Variants in ZFR observed in about 807,000 individuals in gnomAD.
The protein encoded by ZFR is zinc finger RNA binding protein.
In ZFR, 19 loss-of-function variants were observed where a neutral mutation model predicts 130.7. That is an observed-to-expected ratio of 0.15 (90% CI 0.10 to 0.21). ZFR has a LOEUF of 0.21. Among genes scored for constraint, ZFR ranks in the 10% least tolerant of loss-of-function variants. The pLI is 1.00. For missense variants in ZFR, 872 were observed against 1,321.5 expected (o/e 0.66, Z 5.27); for synonymous variants, 466 against 456.9 (o/e 1.02, Z -0.25).
chr5:32,391,811 G>A (rs1561883880), intron 11 of ZFR, among the ~76,000 whole-genome samples: 1 of 151,758 alleles, frequency 6.6e-6, no homozygotes, highest in Non-Finnish European at 1.5e-5. Flanking sequence ...ACCCATTGCA[G>A]TGGCCTTGAC....
chr5:32,370,310 G>GGAGAGA (rs769362722), intron 17 of ZFR, among the ~76,000 whole-genome samples: 997 of 69,598 alleles, frequency 0.014, 8 homozygotes, highest in Non-Finnish European at 0.02. Flanking sequence ...TGTTGTGGGG[G>GGAGAGA]GAGAGAGAGA....
intron 2 of ZFR, among the ~76,000 whole-genome samples, chr5:32,437,904 C>A (rs1246114051): frequency 6.6e-6 from 1 of 152,082 alleles, no homozygotes; most frequent in African/African-American, 2.4e-5. Context: ...TTCTGCAAGA[C>A]TTTCATGATA....
intron 19 of ZFR, among the ~76,000 whole-genome samples, chr5:32,359,203 A>C (rs1160746791): frequency 6.6e-6 from 1 of 152,092 alleles, no homozygotes; most frequent in Non-Finnish European, 1.5e-5. Context: ...AATAAAACCA[A>C]AAAACCCCTA....
intron 6 of ZFR, among the ~76,000 whole-genome samples, chr5:32,405,551 G>A (rs941943288): frequency 5.3e-5 from 8 of 152,110 alleles, no homozygotes; most frequent in Non-Finnish European, 1.0e-4. Flanking sequence ...CAAGCGTCAC[G>A]CTGTATACTT....
chr5:32,402,269 T>G (rs763078189), intron 8 of ZFR, among the ~76,000 whole-genome samples: 24 of 152,066 alleles, frequency 1.6e-4, no homozygotes, highest in Non-Finnish European at 2.9e-4. Context: ...GATGGACACA[T>G]AATTGAGAGA....
rs543375677 is a variant in ZFR, at chr5:32,407,048, T to C, written c.785-27A>G. 48 of 1,440,346 alleles carry C rather than the reference T, an allele frequency of 3.3e-5. 2 individuals are homozygous for C. The South Asian group carries it at 7.0e-4, about 21-fold the overall frequency. 89.2% of individuals were successfully genotyped at this position (1,440,346 alleles called of 1,614,324 possible). On this transcript the variant is annotated intron_variant, in intron 5 of 19. Transcript: ENST00000265069. ...TTACAAATAAAAATCAAACAAAAATTATGTTACATACTTATAGAAGGACAA... is the reference window on the plus strand; with the variant it reads ...TTACAAATAAAAATCAAACAAAAATCATGTTACATACTTATAGAAGGACAA...
chr5:32,411,714 G>GGGTGC (rs138920140), intron 5 of ZFR, among the ~76,000 whole-genome samples: 1 of 54,612 alleles, frequency 1.8e-5, no homozygotes, highest in Non-Finnish European at 3.3e-5. Context: ...AATTGAGGGG[G>GGGTGC]GGCGGGGAAT....
chr5:32,409,015 G>C (rs141623448), intron 5 of ZFR, among the ~76,000 whole-genome samples: 1 of 152,168 alleles, frequency 6.6e-6, no homozygotes, highest in African/African-American at 2.4e-5. Flanking sequence ...ACATATTGGA[G>C]TTAGGGGGTC....
chr5:32,390,937 A>G (rs571488399), intron 11 of ZFR, among the ~76,000 whole-genome samples: 3 of 152,332 alleles, frequency 2.0e-5, no homozygotes, highest in African/African-American at 7.2e-5. Context: ...ATGGTAAAGA[A>G]CTTGTCCTGG....
intron 17 of ZFR, among the ~76,000 whole-genome samples, chr5:32,369,612 G>A (rs1272112922): frequency 6.6e-6 from 1 of 151,934 alleles, no homozygotes; most frequent in Non-Finnish European, 1.5e-5. Flanking sequence ...TTCAGACCAG[G>A]CTGGGCAAGA....
intron 8 of ZFR, among the ~76,000 whole-genome samples, chr5:32,402,765 G>A (rs989496295): frequency 2.8e-5 from 4 of 143,772 alleles, no homozygotes; most frequent in African/African-American, 1.0e-4. Context: ...GTGACAGAGT[G>A]GGGCTCTGTC....
chr5:32,378,669 T>C (rs984980261), intron 17 of ZFR, among the ~76,000 whole-genome samples: 13 of 152,152 alleles, frequency 8.5e-5, no homozygotes, highest in Non-Finnish European at 1.5e-4. Context: ...GGTTATTTTG[T>C]AGCTTTCTGC....
intron 2 of ZFR, among the ~76,000 whole-genome samples, chr5:32,439,595 G>A (rs191553113): frequency 6.6e-6 from 1 of 151,900 alleles, no homozygotes; most frequent in Non-Finnish European, 1.5e-5. Context: ...TCCACTTACT[G>A]CTATGTCCAA....
At chr5:32,402,989 GT>G (rs1753494465) in intron 8 of ZFR, 116 bp downstream of exon 8, 1 of 978,646 alleles carries the variant, frequency 1.0e-6, no homozygotes, top group Non-Finnish European at 1.5e-6. Flanking sequence ...AAGAAACAAG[GT>G]CCCAGAGAGA....
chr5:32,415,349 A>G (rs936683330), intron 4 of ZFR, among the ~76,000 whole-genome samples, 162 bp from the exon 5 acceptor site: 1 of 152,194 alleles, frequency 6.6e-6, no homozygotes, highest in African/African-American at 2.4e-5. Flanking sequence ...CTTATTACCA[A>G]TATGAATAGA....
rs539369880 is a variant in ZFR, at chr5:32,396,402, A to C, written c.1833+817T>G. Among the ~76,000 whole-genome samples, 10 of 152,132 alleles carry C rather than the reference A, an allele frequency of 6.6e-5. No homozygotes were observed. In the Middle Eastern group the frequency reaches 0.01, roughly 155 times the overall value. ...TTAATTTTCACCTCCTCCGTGTTTA[A>C]AACAGAAAACATGGATCTAGTACAT... On this transcript the variant is annotated intron_variant, in intron 10 of 19. Coordinates refer to ENST00000265069, the MANE Select transcript of ZFR (RefSeq NM_016107.5).
At chr5:32,403,446 GAA>G (rs760154449) in intron 7 of ZFR, 49 bp from the exon 8 acceptor site, 2 of 1,573,214 alleles carry the variant, frequency 1.3e-6, no homozygotes, top group East Asian at 2.2e-5. Context: ...AATAGATTTT[GAA>G]AAGTCTGCCT....
chr5:32,419,879 G>A lies in ZFR; in HGVS notation c.362C>T (p.Thr121Ile). ...TGGTGGTGCTTCTTGTTGCCTCTGA[G>A]TATAACCATAGTCAGTTGCTGTGTG... is the stretch of plus-strand genomic sequence containing the variant. Reference protein sequence around the residue: ...TAHTATDYGYTQRQQEAPPPP... With the variant: ...TAHTATDYGYIQRQQEAPPPP... The change falls in exon 3 of 20, where the codon ACT (threonine) becomes ATT (isoleucine). Residue 121 changes from threonine to isoleucine, a missense_variant. Around this residue, in one of 7 missense-constraint regions of ZFR, gnomAD observed 240 missense variants for 441.2 expected, o/e 0.54. Coordinates refer to ENST00000265069, the MANE Select transcript of ZFR (RefSeq NM_016107.5). 6.2e-7 allele frequency: 1 copy of A among 1,613,652 alleles called. No individual in the cohort carries two copies. Among genetic ancestry groups the A allele is most frequent in the Non-Finnish European group, 8.5e-7 (1 of 1,179,674 alleles).
chr5:32,393,142 A>T (rs966802654), intron 11 of ZFR, among the ~76,000 whole-genome samples: 3 of 152,226 alleles, frequency 2.0e-5, no homozygotes, highest in Non-Finnish European at 4.4e-5. Context: ...GCCTTCTGTT[A>T]AAACCAGACA....
Sources: gnomAD v4.1 joint callset for allele counts (sites outside exome capture counted in the v4.1 genomes callset) on GRCh38, gnomAD v4.1.1 for gene constraint, gnomAD v4.1.1 regional missense constraint, MANE v1.5 for transcripts, NCBI Gene and HGNC (gene_info 2026-07-23, HGNC 2026-07-21) for gene names.